The following SGCD variants were observed in gnomAD, a reference collection of about 807,000 sequenced individuals.
The protein encoded by SGCD is delta-sarcoglycan.
SGCD carries 18 observed loss-of-function variants against 36.6 expected under a neutral mutation model. That is an observed-to-expected ratio of 0.49 (90% CI 0.34 to 0.73). The LOEUF (loss-of-function observed/expected upper bound fraction) is 0.73. SGCD is among the 30% of genes least tolerant of loss of function. The pLI is 0.01. For synonymous variants in SGCD, 133 were observed against 130.6 expected (o/e 1.02, Z -0.12); for missense variants, 387 against 346.7 (o/e 1.12, Z -0.92).
At position 156,024,802 on chromosome 5, in the gene SGCD, C is replaced by CA. The variant is rs374286207; in HGVS notation, c.-281-93070dup. On this transcript the variant is annotated intron_variant, in intron 1 of 9. Coordinates refer to the SGCD transcript ENST00000517913. ...GTGAAACCCCGTTTCTACTAAAATA[C>CA]AAAAAATTAGCCGGGCATGGTGGCG... is the stretch of plus-strand genomic sequence containing the variant. Among the ~76,000 whole-genome samples the CA allele has an allele frequency of 2.1e-3, 319 of 151,766 alleles. 1 individual carries two copies. The highest frequency in any genetic ancestry group is 7.3e-3 in the African/African-American group (301 of 41,370).
chr5:155,810,795 C>CTTTTTTTTTTTTTTTT, the SGCD span, among the ~76,000 whole-genome samples: 3 of 35,334 alleles, frequency 8.5e-5, 1 homozygote, highest in Non-Finnish European at 1.6e-4. Context: ...TTAGTGTCTG[C>CTTTTTTTTTTTTTTTT]TTTTTTTTTT....
At chr5:156,348,445 C>T (rs1183192669) in intron 3 of SGCD, among the ~76,000 whole-genome samples, 1 of 152,126 alleles carries the variant, frequency 6.6e-6, no homozygotes, top group Admixed American at 6.5e-5. Context: ...AAATGAGCAG[C>T]ACTGCTATAT....
chr5:156,127,233 A>C (rs1301698508), intron 3 of SGCD, among the ~76,000 whole-genome samples: 2 of 152,214 alleles, frequency 1.3e-5, no homozygotes, highest in Non-Finnish European at 2.9e-5. Flanking sequence ...TTTGAAATCT[A>C]CAAAATGGAA....
At chr5:155,914,915 T>A (rs1756705641) in intron 1 of SGCD, among the ~76,000 whole-genome samples, 1 of 152,188 alleles carries the variant, frequency 6.6e-6, no homozygotes, top group African/African-American at 2.4e-5. Context: ...TTATTTTAAA[T>A]TTTTCAACCC....
At chr5:156,634,093 T>C (rs1409877693) in intron 6 of SGCD, among the ~76,000 whole-genome samples, 1 of 152,200 alleles carries the variant, frequency 6.6e-6, no homozygotes, top group African/African-American at 2.4e-5. Flanking sequence ...TTCAGCTTTC[T>C]TCCAAGTCAC....
intron 3 of SGCD, among the ~76,000 whole-genome samples, chr5:156,422,996 C>T (rs980418974): frequency 6.6e-6 from 1 of 150,794 alleles, no homozygotes; most frequent in Non-Finnish European, 1.5e-5. Context: ...TGCCAGAGGC[C>T]TGCAGTCTTC....
At chr5:156,704,633 C>A (rs1754666447) in intron 7 of SGCD, among the ~76,000 whole-genome samples, 1 of 152,016 alleles carries the variant, frequency 6.6e-6, no homozygotes, top group Non-Finnish European at 1.5e-5. Context: ...ATAAAAATAT[C>A]TTGAAATCAC....
At chr5:156,620,325 A>G (rs1026880466) in intron 6 of SGCD, among the ~76,000 whole-genome samples, 7 of 152,246 alleles carry the variant, frequency 4.6e-5, no homozygotes, top group Admixed American at 4.6e-4. Context: ...AACTGTCACC[A>G]AACTAAGTTC....
At chr5:156,240,567 G>A (rs1765280486) in intron 3 of SGCD, among the ~76,000 whole-genome samples, 1 of 152,168 alleles carries the variant, frequency 6.6e-6, no homozygotes, top group African/African-American at 2.4e-5. Flanking sequence ...CTGGCACCAA[G>A]CTGTACTGTT....
At position 156,297,352 on chromosome 5, in the gene SGCD, G is replaced by A. The variant is rs576412143; in HGVS notation, c.-43-32182G>A. On this transcript the variant is annotated intron_variant, in intron 3 of 9. Coordinates refer to the SGCD transcript ENST00000517913. Reference sequence around the variant, plus strand: ...ACACCTGCACACGTATGTTTATTGCGGCATTATTCACAATAGCAAAGACTT... The same window carrying A: ...ACACCTGCACACGTATGTTTATTGCAGCATTATTCACAATAGCAAAGACTT... Among the ~76,000 whole-genome samples, 174 of 151,838 alleles carry A rather than the reference G, an allele frequency of 1.1e-3. 2 individuals are homozygous for A. Among genetic ancestry groups the A allele is most frequent in the African/African-American group, 3.9e-3 (160 of 41,382 alleles).
intron 6 of SGCD, among the ~76,000 whole-genome samples, chr5:156,596,208 A>G (rs550456748): frequency 1.3e-5 from 2 of 152,236 alleles, no homozygotes; most frequent in South Asian, 2.1e-4. Context: ...TACTACTATT[A>G]CTATTAATGC....
chr5:156,408,679 C>G (rs1285859178), intron 3 of SGCD, among the ~76,000 whole-genome samples: 4 of 152,240 alleles, frequency 2.6e-5, no homozygotes, highest in African/African-American at 9.6e-5. Context: ...ATTTCATGTG[C>G]GTATCACCCC....
chr5:155,854,792 A>G, the SGCD span, among the ~76,000 whole-genome samples: 1 of 152,218 alleles, frequency 6.6e-6, no homozygotes, highest in Non-Finnish European at 1.5e-5. Flanking sequence ...AATTATTATA[A>G]CAGTGGCAGA....
chr5:155,921,465 A>AAT (rs1756877093), intron 1 of SGCD, among the ~76,000 whole-genome samples: 1 of 152,042 alleles, frequency 6.6e-6, no homozygotes, highest in African/African-American at 2.4e-5. Context: ...TAAGAAGGGA[A>AAT]ATATTTGAGC....
At chr5:156,095,328 C>T (rs1022196074) in intron 1 of SGCD, among the ~76,000 whole-genome samples, 2 of 152,134 alleles carry the variant, frequency 1.3e-5, no homozygotes, top group South Asian at 2.1e-4. Context: ...CAGTCTTATT[C>T]CAAGTCCCGG....
the SGCD span, among the ~76,000 whole-genome samples, chr5:155,804,847 G>T: frequency 2.0e-5 from 3 of 152,192 alleles, no homozygotes; most frequent in Admixed American, 2.0e-4. Flanking sequence ...CACAAATATT[G>T]ATAAAACACC....
chr5:156,174,676 A>G (rs1229927189), intron 3 of SGCD, among the ~76,000 whole-genome samples: 1 of 152,216 alleles, frequency 6.6e-6, no homozygotes, highest in African/African-American at 2.4e-5. Context: ...TGGTACATAA[A>G]GTGAGGGCAA....
the SGCD span, among the ~76,000 whole-genome samples, chr5:155,775,148 A>G: frequency 6.6e-6 from 1 of 152,180 alleles, no homozygotes; most frequent in Non-Finnish European, 1.5e-5. Flanking sequence ...GTTTAAAGAA[A>G]GAAAACATTT....
rs1455571458 is a variant in SGCD, at chr5:156,044,857, CAT to C, written c.-281-73020_-281-73019del. Among the ~76,000 whole-genome samples, 11 of 152,196 alleles carry C rather than the reference CAT, an allele frequency of 7.2e-5. No individual in the cohort carries two copies. In the East Asian group the frequency reaches 7.7e-4, roughly 11 times the overall value. ...ATCTTTCCAGGTGCACACACACACA[CAT>C]GTTTTACATATGTGTGTGAATATAC... On this transcript the variant is annotated intron_variant, in intron 1 of 9. Transcript: ENST00000517913.
Sources: allele counts gnomAD v4.1 joint callset (sites outside exome capture counted in the v4.1 genomes callset), GRCh38; gene constraint gnomAD v4.1.1; transcripts MANE v1.5; gene names NCBI Gene and HGNC (gene_info 2026-07-23, HGNC 2026-07-21).